The following HSF1 variants were observed in gnomAD, a reference collection of about 807,000 sequenced individuals.
HSF1 encodes the protein heat shock transcription factor 1, also known as heat shock factor protein 1.
HSF1 carries 32 observed loss-of-function variants against 51.7 expected under a neutral mutation model. The observed-to-expected ratio is 0.62, with a 90% CI of 0.47 to 0.83. The LOEUF (loss-of-function observed/expected upper bound fraction) is 0.83, where lower values mean the gene tolerates loss of function less well. Ranked by LOEUF, HSF1 falls within the 40% of genes least tolerant of loss-of-function variation. The pLI, the probability that HSF1 is intolerant of heterozygous loss-of-function variation, is 0.00. For missense variants in HSF1, 727 were observed against 717.0 expected (o/e 1.01, Z -0.16); for synonymous variants, 396 against 309.7 (o/e 1.28, Z -2.92).
chr8:144,309,205 C>T, intron 2 of HSF1, 191 bp downstream of exon 2: 2 of 662,740 alleles, frequency 3.0e-6, no homozygotes, highest in Admixed American at 2.8e-5. Flanking sequence ...TGGGTATGAA[C>T]CTGGGGTCCC....
chr8:144,296,834 C>G (rs1815499328), intron 1 of HSF1, among the ~76,000 whole-genome samples: 3 of 150,900 alleles, frequency 2.0e-5, no homozygotes, highest in Non-Finnish European at 4.4e-5. Flanking sequence ...AGGCACACAT[C>G]TGTCCTCATA....
intron 1 of HSF1, among the ~76,000 whole-genome samples, chr8:144,307,325 G>A (rs1220776246): frequency 3.3e-5 from 5 of 152,226 alleles, no homozygotes; most frequent in African/African-American, 1.2e-4. Flanking sequence ...CTGGGAATGG[G>A]GCCCTGGAGG....
At chr8:144,299,691 C>G (rs1044495363) in intron 1 of HSF1, among the ~76,000 whole-genome samples, 1 of 151,982 alleles carries the variant, frequency 6.6e-6, no homozygotes, top group Non-Finnish European at 1.5e-5. Flanking sequence ...GGGTGGATCA[C>G]GAGGTCAGGA....
At chr8:144,311,436 TTC>T (rs1309108393) in intron 6 of HSF1, 54 bp downstream of exon 6, 42 of 1,611,828 alleles carry the variant, frequency 2.6e-5, no homozygotes, top group Non-Finnish European at 3.5e-5. Flanking sequence ...GCTGTCCCCC[TTC>T]TCTGTCAGCT....
At chr8:144,307,744 C>T (rs1452837417) in intron 1 of HSF1, among the ~76,000 whole-genome samples, 3 of 151,966 alleles carry the variant, frequency 2.0e-5, no homozygotes, top group Non-Finnish European at 4.4e-5. Context: ...TGCAGTGAGC[C>T]ATGTTGGTGC....
At chr8:144,313,010 C>T (rs1342802714) in intron 9 of HSF1, 8 of 507,820 alleles carry the variant, frequency 1.6e-5, no homozygotes, top group Non-Finnish European at 2.5e-5. Flanking sequence ...GTCTCCAGGG[C>T]ACCTCTGGGA....
At chr8:144,312,278 C>G (rs561164581) in intron 9 of HSF1, 34 bp downstream of exon 9, 2 of 1,470,926 alleles carry the variant, frequency 1.4e-6, no homozygotes, top group African/African-American at 1.4e-5. Flanking sequence ...CCACCCACAG[C>G]GCCTGGACGC....
Position 144,313,847 on chromosome 8 carries a change from TG to T in HSF1, c.1251del (p.Phe418SerfsTer5). 6.3e-7 allele frequency: 1 copy of T among 1,576,506 alleles called. No homozygotes were observed. Among genetic ancestry groups the T allele is most frequent in the Non-Finnish European group, 8.6e-7 (1 of 1,166,554 alleles). ...CTGACTTCCCTCCCTCCTCCGCAGC[TG>T]TTCAGCCCCTCGGTGACCGTGCCCG... The part of the protein sequence containing the change: ...FSVDTSALLD[L>X]FSPSVTVPDM... On this transcript the variant is annotated frameshift_variant and splice_region_variant, in exon 11 of 13. Coordinates refer to ENST00000528838, the MANE Select transcript of HSF1 (RefSeq NM_005526.4). LOFTEE classifies it high-confidence loss of function.
At position 144,291,781 on chromosome 8, in the gene HSF1, C is replaced by T. The variant is rs1240007321; in HGVS notation, c.24C>T (p.Gly8=). The change falls in exon 1 of 13, where the codon GGC becomes GGT. Residue 8 remains glycine (G), a synonymous_variant. Transcript: ENST00000528838. This position sits in a 1 kb window ranked among gnomAD's most constrained non-coding sequence, Gnocchi z 4.1. ...AGATGGATCTGCCCGTGGGCCCCGG[C>T]GCGGCGGGGCCCAGCAACGTCCCGG... MDLPVGP[G]AAGPSNVPAF... 3.9e-6 allele frequency: 6 copies of T among 1,533,440 alleles called. No homozygotes were observed. The Admixed American group carries it at 5.9e-5, about 15-fold the overall frequency. 95.0% of individuals were successfully genotyped at this position (1,533,440 alleles called of 1,614,324 possible). A position where few individuals can be genotyped will look rare whatever the true frequency, so the allele number is the denominator to read the frequency against.
chr8:144,312,268 C>A (rs1554845081), intron 9 of HSF1, 24 bp downstream of exon 9: 3 of 1,530,518 alleles, frequency 2.0e-6, no homozygotes, highest in Non-Finnish European at 2.7e-6. Flanking sequence ...ACCCCTGGCC[C>A]CACCCACAGC....
chr8:144,293,277 C>CG (rs1815227996), intron 1 of HSF1, among the ~76,000 whole-genome samples: 1 of 152,134 alleles, frequency 6.6e-6, no homozygotes, highest in Admixed American at 6.5e-5. Flanking sequence ...GTGTTTGTCC[C>CG]GCTGACACCT....
intron 1 of HSF1, among the ~76,000 whole-genome samples, chr8:144,306,255 T>C (rs1816222863): frequency 6.6e-6 from 1 of 152,042 alleles, no homozygotes; most frequent in Non-Finnish European, 1.5e-5. Context: ...TTGGCTTCTT[T>C]GGGGACAGTT....
At position 144,311,804 on chromosome 8, in the gene HSF1, C is replaced by T. The variant is rs1554844663; in HGVS notation, c.828C>T (p.Pro276=). ...SDITELAPAS[P]MASPGGSIDE... ...TCACCGAGCTGGCTCCTGCCAGCCC[C>T]ATGGCCTCCCCCGGCGGGAGCATAG... Residue 276 remains proline, a synonymous_variant, in exon 8 of 13, where the codon CCC becomes CCT. Transcript: ENST00000528838. The T allele has an allele frequency of 1.2e-6, 2 of 1,611,808 alleles. No homozygotes were observed. Among genetic ancestry groups the T allele is most frequent in the African/African-American group, 2.7e-5 (2 of 74,892 alleles).
rs1323277293 is a variant in HSF1, at chr8:144,297,753, A to G, written c.117+5879A>G. On this transcript the variant is annotated intron_variant, in intron 1 of 12. Coordinates refer to ENST00000528838, the MANE Select transcript of HSF1 (RefSeq NM_005526.4). The surrounding 1 kb of genome is among the most constrained non-coding windows in gnomAD (Gnocchi z 4.6). ...AGCCCAGGAGCCCAGATCACCGGTC[A>G]GCAGATACAGCTTTGACTTGGCAGG... is the stretch of plus-strand genomic sequence containing the variant. 2.6e-5 allele frequency among the ~76,000 whole-genome samples: 4 copies of G among 152,242 alleles called. No homozygotes were observed. Among genetic ancestry groups the G allele is most frequent in the Admixed American group, 2.0e-4 (3 of 15,280 alleles).
rs1468638833 is a variant in HSF1 at position 144,314,351 on chromosome 8, C to T, written c.*21C>T. 7.8e-6 allele frequency: 12 copies of T among 1,535,374 alleles called. No individual in the cohort carries two copies. The highest frequency in any genetic ancestry group is 1.4e-5 in the African/African-American group (1 of 72,716). On this transcript the variant is annotated 3_prime_UTR_variant, in exon 13 of 13. Coordinates refer to ENST00000528838, the MANE Select transcript of HSF1 (RefSeq NM_005526.4). ...CCTAGAGGCCCCGGAGGAGCTGGGC[C>T]AGCCGCCCACCCCCACCCCCAGTGC...
rs1332277575 is a variant in HSF1 at position 144,297,687 on chromosome 8, C to G, written c.117+5813C>G. 6.6e-6 allele frequency among the ~76,000 whole-genome samples: 1 copy of G among 152,198 alleles called. No individual in the cohort carries two copies. The highest frequency in any genetic ancestry group is 2.1e-4 in the South Asian group (1 of 4,834). ...CACGCGCTCCCTTTGCTCCTAAAGC[C>G]TATACTCCCGGGACCCGGAGAGGGA... On this transcript the variant is annotated intron_variant, in intron 1 of 12. Coordinates refer to ENST00000528838, the MANE Select transcript of HSF1 (RefSeq NM_005526.4). The surrounding 1 kb of genome is among the most constrained non-coding windows in gnomAD (Gnocchi z 4.6).
intron 9 of HSF1, chr8:144,313,092 G>A (rs1816797261): frequency 2.5e-6 from 1 of 398,076 alleles, no homozygotes; most frequent in Non-Finnish European, 4.7e-6. Context: ...ACAGCCACCA[G>A]ACCGTGGGTC....
chr8:144,293,661 C>T (rs1297335919), intron 1 of HSF1: 1 of 151,916 alleles, frequency 6.6e-6, no homozygotes, highest in Non-Finnish European at 1.5e-5. Flanking sequence ...TGGTCTGGAA[C>T]TCCTGACCTC....
At chr8:144,303,067 A>G (rs1433032459) in intron 1 of HSF1, among the ~76,000 whole-genome samples, 1 of 152,042 alleles carries the variant, frequency 6.6e-6, no homozygotes, top group African/African-American at 2.4e-5. Flanking sequence ...TGGGAGTTGC[A>G]TGTGAAATTC....
Sources: gnomAD v4.1 joint callset for allele counts (sites outside exome capture counted in the v4.1 genomes callset) on GRCh38, gnomAD v4.1.1 for gene constraint, Gnocchi (gnomAD v3.1) non-coding constraint, MANE v1.5 for transcripts, NCBI Gene and HGNC (gene_info 2026-07-23, HGNC 2026-07-21) for gene names.